The following EFCAB7 variants were observed in gnomAD, a reference collection of about 807,000 sequenced individuals.
EFCAB7 encodes EF-hand calcium binding domain 7, also known as EF-hand calcium-binding domain-containing protein 7.
In EFCAB7, 66 loss-of-function variants were observed where a neutral mutation model predicts 77.1. The observed-to-expected ratio is 0.86, with a 90% confidence interval of 0.70 to 1.05. The LOEUF (loss-of-function observed/expected upper bound fraction) is 1.05, where lower values mean the gene tolerates loss of function less well. EFCAB7 is among the 50% of genes least tolerant of loss of function. The probability of loss-of-function intolerance (pLI) is 0.00; values close to 1 mark genes in which losing one functional copy is unlikely to be tolerated. For synonymous variants in EFCAB7, 225 were observed against 243.3 expected (o/e 0.92, Z 0.70); for missense variants, 638 against 730.5 (o/e 0.87, Z 1.46).
chr1:63,581,817 G>A, the EFCAB7 span, among the ~76,000 whole-genome samples: 1 of 151,464 alleles, frequency 6.6e-6, no homozygotes, highest in African/African-American at 2.4e-5. Flanking sequence ...TGTAGATAGT[G>A]GCCTGTTTTA....
chr1:63,545,670 T>C (rs1450228889), intron 6 of EFCAB7, among the ~76,000 whole-genome samples: 1 of 152,102 alleles, frequency 6.6e-6, no homozygotes, highest in East Asian at 1.9e-4. Flanking sequence ...TTCTCCATGT[T>C]GGTCAGATGA....
intron 6 of EFCAB7, among the ~76,000 whole-genome samples, chr1:63,544,568 G>A (rs1424621241): frequency 2.6e-5 from 4 of 151,584 alleles, no homozygotes; most frequent in African/African-American, 4.8e-5. Flanking sequence ...GCACGCCACC[G>A]TGCCCGGCTA....
chr1:63,579,119 C>T, the EFCAB7 span, among the ~76,000 whole-genome samples: 2 of 151,894 alleles, frequency 1.3e-5, no homozygotes, highest in African/African-American at 4.8e-5. Flanking sequence ...ATTAATGTAA[C>T]ACATGTATAG....
chr1:63,577,546 C>G (rs1647458904), downstream of EFCAB7, among the ~76,000 whole-genome samples: 2 of 151,750 alleles, frequency 1.3e-5, no homozygotes, highest in South Asian at 2.1e-4. Context: ...ACAAAAGTAT[C>G]CAGAATTGGC....
At chr1:63,574,958 T>C (rs1196227271), downstream of EFCAB7, among the ~76,000 whole-genome samples, 2 of 152,162 alleles carry the variant, frequency 1.3e-5, no homozygotes, top group East Asian at 3.8e-4. Context: ...GAGTGGAAAA[T>C]TAAAATGAAT....
At chr1:63,529,298 A>T (rs1646652286) in intron 2 of EFCAB7, 1 of 152,246 alleles carries the variant, frequency 6.6e-6, no homozygotes, top group Non-Finnish European at 1.5e-5. Context: ...TTAGCTCTGA[A>T]AGTCACTGGC....
intron 9 of EFCAB7, among the ~76,000 whole-genome samples, chr1:63,556,680 C>T (rs2100912010): frequency 6.6e-6 from 1 of 152,184 alleles, no homozygotes; most frequent in East Asian, 1.9e-4. Context: ...TTATAGTTTA[C>T]AGAAATTGTG....
intron 6 of EFCAB7, among the ~76,000 whole-genome samples, chr1:63,537,262 A>C (rs1217437656): frequency 6.6e-6 from 1 of 152,192 alleles, no homozygotes; most frequent in Non-Finnish European, 1.5e-5. Context: ...AAGACCAGTC[A>C]TGTCTAGAAT....
intron 10 of EFCAB7, among the ~76,000 whole-genome samples, chr1:63,560,048 C>T (rs182073150): frequency 4.1e-4 from 62 of 152,074 alleles, no homozygotes; most frequent in Admixed American, 6.5e-4. Flanking sequence ...CTTCACCTCC[C>T]GGGTTCACGC....
At position 63,532,683 on chromosome 1, in the gene EFCAB7, TGACTC is replaced by T. The variant is rs1431239002; in HGVS notation, c.416_420del (p.Thr139ArgfsTer11). The T allele has an allele frequency of 1.4e-5, 23 of 1,596,138 alleles. No individual in the cohort carries two copies. Among genetic ancestry groups the T allele is most frequent in the Middle Eastern group, 1.7e-4 (1 of 6,026 alleles). Reference sequence around the variant, plus strand: ...TTTTTTTTTCAGAGAGGTGAGAAGATGACTCGAGAAGAAGTAAATGCCATAATAAA... The same window carrying T: ...TTTTTTTTTCAGAGAGGTGAGAAGATGAGAAGAAGTAAATGCCATAATAAA... On this transcript the variant is annotated frameshift_variant, in exon 4 of 14. Coordinates refer to ENST00000371088, the MANE Select transcript of EFCAB7 (RefSeq NM_032437.4). LOFTEE classifies it high-confidence loss of function.
At position 63,550,194 on chromosome 1, in the gene EFCAB7, A is replaced by T. The variant is rs1646948780; in HGVS notation, c.947-1531A>T. On this transcript the variant is annotated intron_variant, in intron 7 of 13. Coordinates refer to ENST00000371088, the MANE Select transcript of EFCAB7 (RefSeq NM_032437.4). ...TTGTAACTTTTATCCACTTAGCACG[A>T]ATGATTCTATTGAAGAAAATCTTTA... 2.0e-5 allele frequency: 3 copies of T among 152,178 alleles called. No individual in the cohort carries two copies. In the South Asian group the frequency reaches 6.2e-4, roughly 31 times the overall value. The allele number at this position is 152,178 out of a possible 1,614,324, so 9.4% of individuals were successfully genotyped here.
At chr1:63,534,956 T>G (rs1020003669) in intron 6 of EFCAB7, among the ~76,000 whole-genome samples, 3 of 152,130 alleles carry the variant, frequency 2.0e-5, no homozygotes, top group Non-Finnish European at 4.4e-5. Context: ...AGGAATTTTG[T>G]TCAGACTGTT....
the EFCAB7 span, among the ~76,000 whole-genome samples, chr1:63,581,109 C>G: frequency 5.9e-4 from 89 of 152,112 alleles, 1 homozygote; most frequent in African/African-American, 2.0e-3. Flanking sequence ...ATTAAGATAT[C>G]AAATAAGAAC....
At chr1:63,565,343 T>G (rs1450816760) in intron 11 of EFCAB7, among the ~76,000 whole-genome samples, 1 of 148,356 alleles carries the variant, frequency 6.7e-6, no homozygotes, top group African/African-American at 2.5e-5. Flanking sequence ...TGGGCGAGAG[T>G]GCGAGACTCC....
At chr1:63,558,236 A>G (rs1028130996) in intron 10 of EFCAB7, among the ~76,000 whole-genome samples, 4 of 152,244 alleles carry the variant, frequency 2.6e-5, no homozygotes, top group Non-Finnish European at 5.9e-5. Context: ...AATTGGCACT[A>G]GAGAACATTC....
intron 7 of EFCAB7, chr1:63,549,301 C>T (rs780655178): frequency 4.3e-6 from 2 of 467,806 alleles, no homozygotes; most frequent in Non-Finnish European, 8.8e-6. Context: ...CCTTTCTTAC[C>T]TATTTGATGA....
Position 63,565,118 on chromosome 1 carries a change from G to A in EFCAB7, c.1498-3192G>A, listed in dbSNP as rs952618686. On this transcript the variant is annotated intron_variant, in intron 11 of 13. Transcript: ENST00000371088. ...TCCCAGCACTTTGGGAGGCTGAGGC[G>A]GGTGGATCACAAGGTCAGGAGATCA... is the stretch of plus-strand genomic sequence containing the variant. Among the ~76,000 whole-genome samples, 5 of 152,050 alleles carry A rather than the reference G, an allele frequency of 3.3e-5. No homozygotes were observed. In the East Asian group the frequency reaches 7.7e-4, roughly 23 times the overall value.
At position 63,531,859 on chromosome 1, in the gene EFCAB7, T is replaced by C. The variant is rs1269301641; in HGVS notation, c.227T>C (p.Ile76Thr). Residue 76 changes from isoleucine to threonine, a missense_variant, in exon 3 of 14, where the codon ATT (isoleucine) becomes ACT (threonine). Coordinates refer to ENST00000371088, the MANE Select transcript of EFCAB7 (RefSeq NM_032437.4). The stretch of plus-strand genomic sequence containing the variant: ...GGAAGAAATCCATCCCAAAAGACCA[T>C]TAATAAGTATTGGACTCCTCAAACT... ...HAGRNPSQKTINKYWTPQTAK... is the reference protein window; with the variant it reads ...HAGRNPSQKTTNKYWTPQTAK... The C allele has an allele frequency of 6.2e-7, 1 of 1,612,926 alleles. No homozygotes were observed. Among genetic ancestry groups the C allele is most frequent in the Admixed American group, 1.7e-5 (1 of 59,906 alleles).
downstream of EFCAB7, chr1:63,572,703 G>A: frequency 1.1e-6 from 1 of 936,564 alleles, no homozygotes; most frequent in South Asian, 4.4e-5. Flanking sequence ...ATTGTGTGGT[G>A]TTCTTATTTA....
Sources: gnomAD v4.1 joint callset for allele counts (sites outside exome capture counted in the v4.1 genomes callset) on GRCh38, gnomAD v4.1.1 for gene constraint, MANE v1.5 for transcripts, NCBI Gene and HGNC (gene_info 2026-07-23, HGNC 2026-07-21) for gene names.